The following SHISAL2B variants were observed in gnomAD, a reference collection of about 807,000 sequenced individuals.
SHISAL2B encodes the protein protein shisa-like-2B.
A neutral mutation model predicts 16.5 loss-of-function variants in SHISAL2B; 12 were observed. The ratio of observed to expected loss-of-function variants is 0.73; its 90% CI spans 0.47 to 1.18. The LOEUF is 1.18. Ranked by LOEUF, SHISAL2B falls within the 50% of genes most tolerant of loss-of-function variation. The pLI is 0.00. For synonymous variants in SHISAL2B, 72 were observed against 75.0 expected (o/e 0.96, Z 0.21); for missense variants, 183 against 193.6 (o/e 0.95, Z 0.33).
intron 2 of SHISAL2B, among the ~76,000 whole-genome samples, chr5:64,698,943 C>T (rs147844958): frequency 1.4e-3 from 208 of 152,306 alleles, no homozygotes; most frequent in Non-Finnish European, 2.6e-3. Flanking sequence ...ATACAACGCA[C>T]TGTGCTAAAT....
chr5:64,708,077 A>G (rs1741899331), intron 2 of SHISAL2B, among the ~76,000 whole-genome samples: 1 of 152,188 alleles, frequency 6.6e-6, no homozygotes, highest in Non-Finnish European at 1.5e-5. Context: ...TGTGGCATAC[A>G]ACAGTTTTAC....
At chr5:64,715,952 G>C (rs1213311601) in intron 2 of SHISAL2B, among the ~76,000 whole-genome samples, 1 of 152,108 alleles carries the variant, frequency 6.6e-6, no homozygotes, top group Non-Finnish European at 1.5e-5. Flanking sequence ...TGGTTTCCTT[G>C]GGAATTTCTT....
chr5:64,697,017 G>T lies in SHISAL2B; in HGVS notation c.349+1353G>T, dbSNP rs536999832. Among the ~76,000 whole-genome samples the T allele has an allele frequency of 1.6e-3, 251 of 152,258 alleles. 1 individual carries two copies. The Middle Eastern group carries it at 0.017, about 10-fold the overall frequency. On this transcript the variant is annotated intron_variant, in intron 2 of 2. Transcript: ENST00000389074. Reference sequence around the variant, plus strand: ...CCTGCTGGTTTTGCGGCTCAGGTGGGCATCACCATCCTACTGATATGTGAT... The same window carrying T: ...CCTGCTGGTTTTGCGGCTCAGGTGGTCATCACCATCCTACTGATATGTGAT...
intron 2 of SHISAL2B, among the ~76,000 whole-genome samples, chr5:64,697,366 T>C (rs940020146): frequency 1.3e-5 from 2 of 152,194 alleles, no homozygotes; most frequent in African/African-American, 4.8e-5. Context: ...ATTGACCAGA[T>C]TGCAAACTAG....
At chr5:64,708,056 T>C (rs1303960311) in intron 2 of SHISAL2B, among the ~76,000 whole-genome samples, 1 of 152,166 alleles carries the variant, frequency 6.6e-6, no homozygotes, top group Non-Finnish European at 1.5e-5. Context: ...TTACTAGCAA[T>C]TTTTTACTTC....
At chr5:64,701,408 A>C (rs1474359563) in intron 2 of SHISAL2B, among the ~76,000 whole-genome samples, 1 of 152,192 alleles carries the variant, frequency 6.6e-6, no homozygotes, top group Non-Finnish European at 1.5e-5. Context: ...TGCATAATAT[A>C]ATGACTTGCT....
At chr5:64,700,789 G>A (rs1355998652) in intron 2 of SHISAL2B, among the ~76,000 whole-genome samples, 3 of 152,162 alleles carry the variant, frequency 2.0e-5, no homozygotes, top group Non-Finnish European at 4.4e-5. Context: ...TAATTTTGCA[G>A]GTCGGGGGTG....
chr5:64,714,545 C>G (rs1236526967), intron 2 of SHISAL2B, among the ~76,000 whole-genome samples: 1 of 151,918 alleles, frequency 6.6e-6, no homozygotes, highest in Admixed American at 6.5e-5. Flanking sequence ...AGGCAGGCCT[C>G]CTTGAGCTGT....
rs1580515486 is a variant in SHISAL2B at position 64,690,514 on chromosome 5, C to G, written c.-110C>G. The G allele has an allele frequency of 1.4e-5, 12 of 852,216 alleles. 1 individual carries two copies. In the East Asian group the frequency reaches 3.2e-4, roughly 23 times the overall value. The allele number at this position is 852,216 out of a possible 1,614,324, so 52.8% of individuals were successfully genotyped here. ...GCGCCCAGGCAGCCAGAGCCCAGAT[C>G]GGAAGAGCCGAGTCCGGGCAGAGGG... On this transcript the variant is annotated 5_prime_UTR_variant, in exon 1 of 3. It adds an upstream start codon to the 5' untranslated region. Transcript: ENST00000389074.
At chr5:64,696,492 T>C (rs1242402134) in intron 2 of SHISAL2B, among the ~76,000 whole-genome samples, 1 of 152,146 alleles carries the variant, frequency 6.6e-6, no homozygotes, top group African/African-American at 2.4e-5. Flanking sequence ...AGAGAGCCTA[T>C]AAATGGACCT....
rs1348005764 is a variant in SHISAL2B, at chr5:64,718,171, T to C, written c.*149T>C. 1.7e-6 allele frequency: 1 copy of C among 580,388 alleles called. No homozygotes were observed. Among genetic ancestry groups the C allele is most frequent in the Non-Finnish European group, 2.8e-6 (1 of 362,114 alleles). The allele number at this position is 580,388 out of a possible 1,614,324, so 36.0% of individuals were successfully genotyped here. A position where few individuals can be genotyped will look rare whatever the true frequency, so the allele number is the denominator to read the frequency against. On this transcript the variant is annotated 3_prime_UTR_variant, in exon 3 of 3. Transcript: ENST00000389074. ...CATTTTTGATCATTCAGTTACTTTA[T>C]TAAACGCACATTAAGGTTTTATTGG... is the stretch of plus-strand genomic sequence containing the variant.
intron 2 of SHISAL2B, among the ~76,000 whole-genome samples, chr5:64,706,894 T>A (rs6872436): frequency 2.0e-5 from 3 of 151,500 alleles, no homozygotes; most frequent in Non-Finnish European, 2.9e-5. Context: ...GGAAAAAAGA[T>A]AAAAGAAAGA....
At chr5:64,713,893 G>T (rs1444033014) in intron 2 of SHISAL2B, among the ~76,000 whole-genome samples, 1 of 92,560 alleles carries the variant, frequency 1.1e-5, no homozygotes, top group Non-Finnish European at 2.0e-5. Context: ...AGCTCCATCA[G>T]CTCCTTTAAG....
chr5:64,694,479 G>C (rs1487722593), intron 1 of SHISAL2B, among the ~76,000 whole-genome samples: 1 of 152,164 alleles, frequency 6.6e-6, no homozygotes, highest in East Asian at 1.9e-4. Context: ...GTGGTATTAA[G>C]TTCACAGGCT....
intron 2 of SHISAL2B, among the ~76,000 whole-genome samples, chr5:64,700,845 A>G (rs1741799326): frequency 6.6e-6 from 1 of 152,188 alleles, no homozygotes; most frequent in African/African-American, 2.4e-5. Flanking sequence ...AGATCATCAG[A>G]CATTAGATTC....
At chr5:64,712,721 T>C (rs1741976921) in intron 2 of SHISAL2B, among the ~76,000 whole-genome samples, 1 of 152,136 alleles carries the variant, frequency 6.6e-6, no homozygotes. Flanking sequence ...ATCTGGGTGC[T>C]CCTGTATTGG....
chr5:64,698,436 A>G (rs1005237288), intron 2 of SHISAL2B, among the ~76,000 whole-genome samples: 1 of 152,196 alleles, frequency 6.6e-6, no homozygotes, highest in Non-Finnish European at 1.5e-5. Flanking sequence ...CATGCCCAGC[A>G]TCATTGGCCC....
chr5:64,707,916 C>G (rs1741896190), intron 2 of SHISAL2B, among the ~76,000 whole-genome samples: 1 of 152,126 alleles, frequency 6.6e-6, no homozygotes, highest in Admixed American at 6.5e-5. Flanking sequence ...TCTAATGTCA[C>G]AATTTCCAAA....
At chr5:64,707,855 T>C (rs1356910190) in intron 2 of SHISAL2B, among the ~76,000 whole-genome samples, 1 of 152,220 alleles carries the variant, frequency 6.6e-6, no homozygotes, top group East Asian at 1.9e-4. Context: ...TCCTGTTTGA[T>C]ATTCGTGAAC....
Sources: allele counts gnomAD v4.1 joint callset (sites outside exome capture counted in the v4.1 genomes callset), GRCh38; gene constraint gnomAD v4.1.1; transcripts MANE v1.5; gene names NCBI Gene and HGNC (gene_info 2026-07-23, HGNC 2026-07-21).